The following CNTNAP2 variants were observed in gnomAD, a reference collection of about 807,000 sequenced individuals.
CNTNAP2 encodes the protein contactin associated protein 2.
In CNTNAP2, 98 loss-of-function variants were observed where a neutral mutation model predicts 155.2. The observed-to-expected ratio is 0.63, with a 90% confidence interval of 0.54 to 0.75. The LOEUF is 0.75. Among genes scored for constraint, CNTNAP2 ranks in the 30% least tolerant of loss-of-function variants. The pLI is 0.00. For synonymous variants in CNTNAP2, 651 were observed against 631.2 expected (o/e 1.03, Z -0.47); for missense variants, 1,727 against 1,688.1 (o/e 1.02, Z -0.40).
intron 14 of CNTNAP2, among the ~76,000 whole-genome samples, chr7:147,905,540 C>G (rs1028469057): frequency 6.6e-6 from 1 of 152,222 alleles, no homozygotes; most frequent in African/African-American, 2.4e-5. Flanking sequence ...AAATAGATAA[C>G]ATAATACAGT....
chr7:147,978,235 T>A (rs1585058416), intron 15 of CNTNAP2: 2 of 512,582 alleles, frequency 3.9e-6, no homozygotes, highest in South Asian at 4.1e-5. Flanking sequence ...CAAGTTTGAC[T>A]ACCTAAGTTT....
intron 1 of CNTNAP2, among the ~76,000 whole-genome samples, chr7:146,503,181 C>G (rs1029939634): frequency 1.6e-4 from 25 of 152,182 alleles, no homozygotes; most frequent in African/African-American, 5.5e-4. Flanking sequence ...AGTAAAGAAG[C>G]TTTTTTATTT....
At chr7:146,792,523 CTA>C (rs1490421167) in intron 2 of CNTNAP2, among the ~76,000 whole-genome samples, 1 of 152,156 alleles carries the variant, frequency 6.6e-6, no homozygotes, top group Non-Finnish European at 1.5e-5. Context: ...AATGATAAGA[CTA>C]AGTGTCAAAA....
At chr7:146,939,664 AT>A (rs1797005415) in intron 3 of CNTNAP2, among the ~76,000 whole-genome samples, 1 of 152,000 alleles carries the variant, frequency 6.6e-6, no homozygotes, top group African/African-American at 2.4e-5. Context: ...CAGTTTTTTA[AT>A]TTGCCTGTAA....
intron 1 of CNTNAP2, among the ~76,000 whole-genome samples, chr7:146,473,481 C>T (rs1392147939): frequency 3.3e-5 from 5 of 152,068 alleles, no homozygotes; most frequent in African/African-American, 1.2e-4. Context: ...TTTCCTGTCC[C>T]TCAGGAAACC....
At chr7:146,497,555 TC>T (rs1797237157) in intron 1 of CNTNAP2, among the ~76,000 whole-genome samples, 1 of 151,946 alleles carries the variant, frequency 6.6e-6, no homozygotes, top group Non-Finnish European at 1.5e-5. Context: ...AAACTTGTCT[TC>T]ATAAGTAAAT....
rs181040701 is a variant in CNTNAP2, at chr7:146,179,259, T to C, written c.97+62286T>C. Reference sequence around the variant, plus strand: ...GGGAACATGGCCGTTCTGGACAGGGTATCGCCATGGATGACTTAATAACTT... The same window carrying C: ...GGGAACATGGCCGTTCTGGACAGGGCATCGCCATGGATGACTTAATAACTT... On this transcript the variant is annotated intron_variant, in intron 1 of 23. Coordinates refer to ENST00000361727, the MANE Select transcript of CNTNAP2 (RefSeq NM_014141.6). Among the ~76,000 whole-genome samples the C allele has an allele frequency of 2.2e-3, 332 of 152,182 alleles. 1 individual carries two copies. The highest frequency in any genetic ancestry group is 3.7e-3 in the Non-Finnish European group (249 of 68,004).
intron 21 of CNTNAP2, among the ~76,000 whole-genome samples, chr7:148,332,165 CA>C (rs200974074): frequency 0.14 from 16,327 of 120,564 alleles, 1,063 homozygotes; most frequent in African/African-American, 0.21. Flanking sequence ...ACTGAGCGGA[CA>C]AAAAAAAAAA....
chr7:147,785,397 C>A (rs1797724336), intron 13 of CNTNAP2, among the ~76,000 whole-genome samples: 1 of 151,980 alleles, frequency 6.6e-6, no homozygotes, highest in Non-Finnish European at 1.5e-5. Flanking sequence ...GCCAAAGGAG[C>A]CAGTGAACTT....
intron 4 of CNTNAP2, among the ~76,000 whole-genome samples, chr7:147,079,589 TATAATAATAATAATAATG>T (rs1001424661): frequency 1.5e-4 from 22 of 149,002 alleles, no homozygotes; most frequent in African/African-American, 4.4e-4. Flanking sequence ...AAACTTAAAG[TATAATAATAATAATAATG>T]ATAATAATAA....
At chr7:146,309,790 G>A (rs972079769) in intron 1 of CNTNAP2, among the ~76,000 whole-genome samples, 1 of 149,738 alleles carries the variant, frequency 6.7e-6, no homozygotes, top group African/African-American at 2.5e-5. Context: ...GACCCAGTGA[G>A]ACTCTGTCAA....
intron 12 of CNTNAP2, among the ~76,000 whole-genome samples, chr7:147,584,027 A>G (rs1800569610): frequency 6.6e-6 from 1 of 152,130 alleles, no homozygotes; most frequent in Admixed American, 6.6e-5. Flanking sequence ...TCTGTCACCA[A>G]TGCTTTTGTA....
intron 16 of CNTNAP2, among the ~76,000 whole-genome samples, chr7:148,131,433 A>G (rs751225213): frequency 1.2e-4 from 19 of 152,148 alleles, no homozygotes; most frequent in South Asian, 6.2e-4. Context: ...GTGGTAGTTC[A>G]TGAAACCTTT....
At chr7:147,472,965 T>C (rs1219778500) in intron 10 of CNTNAP2, among the ~76,000 whole-genome samples, 1 of 152,194 alleles carries the variant, frequency 6.6e-6, no homozygotes, top group Non-Finnish European at 1.5e-5. Context: ...GTTTAGAGCC[T>C]TCTTAGAGAA....
At chr7:146,132,412 GTTTATTTATTTT>G (rs888439152) in intron 1 of CNTNAP2, among the ~76,000 whole-genome samples, 10 of 151,876 alleles carry the variant, frequency 6.6e-5, no homozygotes, top group Non-Finnish European at 1.2e-4. Flanking sequence ...TTATTTATTT[GTTTATTTATTTT>G]TTTATTATAC....
At chr7:146,388,932 A>T (rs1795500559) in intron 1 of CNTNAP2, among the ~76,000 whole-genome samples, 1 of 152,196 alleles carries the variant, frequency 6.6e-6, no homozygotes, top group Non-Finnish European at 1.5e-5. Context: ...TCAGAAGAAG[A>T]TGCAGAGACA....
chr7:147,130,449 C>T (rs557308322), intron 7 of CNTNAP2, among the ~76,000 whole-genome samples: 2 of 151,858 alleles, frequency 1.3e-5, no homozygotes, highest in South Asian at 2.1e-4. Flanking sequence ...GAGACTCTGT[C>T]CCCCCAAAAA....
At chr7:147,404,774 C>T (rs1274658695) in intron 10 of CNTNAP2, among the ~76,000 whole-genome samples, 1 of 152,148 alleles carries the variant, frequency 6.6e-6, no homozygotes, top group Non-Finnish European at 1.5e-5. Flanking sequence ...AGCACAAAAA[C>T]ATCAGCTCAA....
chr7:146,692,225 C>T (rs1428009624), intron 1 of CNTNAP2, among the ~76,000 whole-genome samples: 2 of 152,130 alleles, frequency 1.3e-5, no homozygotes, highest in African/African-American at 4.8e-5. Flanking sequence ...ATACAATAAA[C>T]ATTTACATAG....
Sources: gnomAD v4.1 joint callset for allele counts (sites outside exome capture counted in the v4.1 genomes callset) on GRCh38, gnomAD v4.1.1 for gene constraint, MANE v1.5 for transcripts, NCBI Gene and HGNC (gene_info 2026-07-23, HGNC 2026-07-21) for gene names.